Variants in TCERG1L observed in about 807,000 individuals in gnomAD.
TCERG1L encodes the protein transcription elongation regulator 1-like protein.
A neutral mutation model predicts 56.3 loss-of-function variants in TCERG1L; 37 were observed. The ratio of observed to expected loss-of-function variants is 0.66; its 90% confidence interval spans 0.51 to 0.87. TCERG1L has a LOEUF of 0.87. Among genes scored for constraint, TCERG1L ranks in the 40% least tolerant of loss-of-function variants. The pLI is 0.00. For missense variants in TCERG1L, 799 were observed against 774.2 expected (o/e 1.03, Z -0.38); for synonymous variants, 324 against 326.3 (o/e 0.99, Z 0.08).
intron 4 of TCERG1L, among the ~76,000 whole-genome samples, chr10:131,210,908 C>G (rs926400861): frequency 3.3e-5 from 5 of 152,228 alleles, no homozygotes; most frequent in African/African-American, 1.2e-4. Context: ...CAAGTCATTA[C>G]TTCATGTCAT....
At chr10:131,268,622 T>A (rs943455283) in intron 3 of TCERG1L, among the ~76,000 whole-genome samples, 3 of 152,202 alleles carry the variant, frequency 2.0e-5, no homozygotes, top group South Asian at 2.1e-4. Flanking sequence ...TTCTGTAGTG[T>A]AGCCACCTTC....
intron 4 of TCERG1L, among the ~76,000 whole-genome samples, chr10:131,231,354 G>A (rs893512): frequency 0.029 from 4,456 of 152,300 alleles, 83 homozygotes; most frequent in East Asian, 0.078. Flanking sequence ...AGAGCCTACC[G>A]TGTGCTTCCT....
At position 131,260,719 on chromosome 10, in the gene TCERG1L, A is replaced by G. The variant is rs1846229652; in HGVS notation, c.671-275T>C. Among the ~76,000 whole-genome samples, 2 of 152,182 alleles carry G rather than the reference A, an allele frequency of 1.3e-5. No individual in the cohort carries two copies. Among genetic ancestry groups the G allele is most frequent in the Non-Finnish European group, 2.9e-5 (2 of 68,032 alleles). ...GCTTACAGTCACCAGGGGACGAGCC[A>G]GGACCCGGGTGCCTTAAAGAGAAAC... On this transcript the variant is annotated intron_variant, in intron 3 of 11. Coordinates refer to ENST00000368642, the MANE Select transcript of TCERG1L (RefSeq NM_174937.4). This position sits in a 1 kb window ranked among gnomAD's most constrained non-coding sequence, Gnocchi z 5.8.
chr10:131,094,285 C>T (rs1324995386), intron 11 of TCERG1L, among the ~76,000 whole-genome samples: 5 of 152,232 alleles, frequency 3.3e-5, no homozygotes, highest in Non-Finnish European at 5.9e-5. Flanking sequence ...CTGGCCTGGG[C>T]AGTGTGCTCT....
chr10:131,234,198 C>T (rs1037264176), intron 4 of TCERG1L, among the ~76,000 whole-genome samples: 2 of 152,210 alleles, frequency 1.3e-5, no homozygotes, highest in African/African-American at 4.8e-5. Flanking sequence ...GGAAGAAGAT[C>T]ATCAGGTATT....
intron 4 of TCERG1L, among the ~76,000 whole-genome samples, chr10:131,169,250 C>T (rs1846064154): frequency 6.6e-6 from 1 of 151,972 alleles, no homozygotes; most frequent in South Asian, 2.1e-4. Flanking sequence ...TACCTCTATG[C>T]CACAGAAAGG....
At chr10:131,159,225 T>C (rs1026655665) in intron 6 of TCERG1L, among the ~76,000 whole-genome samples, 1 of 152,178 alleles carries the variant, frequency 6.6e-6, no homozygotes, top group African/African-American at 2.4e-5. Flanking sequence ...CTGACAGCCA[T>C]GTGCCAGGGA....
chr10:131,118,825 GCACCATGTTCTC>G lies in TCERG1L; in HGVS notation c.1260-1903_1260-1892del, dbSNP rs556529521. Among the ~76,000 whole-genome samples, 1 of 152,268 alleles carries G rather than the reference GCACCATGTTCTC, an allele frequency of 6.6e-6. No individual in the cohort carries two copies. Among genetic ancestry groups the G allele is most frequent in the African/African-American group, 2.4e-5 (1 of 41,550 alleles). ...CTGTCCAGTTCTGGTTTTGACGATA[GCACCATGTTCTC>G]CACTGGGGATGATTTTGCCCCAGGG... On this transcript the variant is annotated intron_variant, in intron 8 of 11. Coordinates refer to ENST00000368642, the MANE Select transcript of TCERG1L (RefSeq NM_174937.4). The surrounding 1 kb of genome is among the most constrained non-coding windows in gnomAD (Gnocchi z 4.2).
At position 131,163,170 on chromosome 10, in the gene TCERG1L, G is replaced by C; in HGVS notation, c.986C>G (p.Ala329Gly). The part of the protein sequence containing the change: ...PMLGGGEDST[A>G]RGNRPVASTP... ...GGAGGCCACTGGCCTGTTGCCTCTG[G>C]CTGTGCTGTCCTCTCCTCCCCCCAG... is the stretch of plus-strand genomic sequence containing the variant. Residue 329 changes from alanine (A) to glycine (G), a missense_variant, in exon 6 of 12, where the codon GCC (alanine) becomes GGC (glycine). Ala to Gly is a moderately conservative substitution (Grantham distance 60). Transcript: ENST00000368642. 6.4e-7 allele frequency: 1 copy of C among 1,574,390 alleles called. No individual in the cohort carries two copies. The highest frequency in any genetic ancestry group is 8.6e-7 in the Non-Finnish European group (1 of 1,158,720).
chr10:131,279,609 C>T (rs994529716), intron 3 of TCERG1L, among the ~76,000 whole-genome samples: 6 of 152,178 alleles, frequency 3.9e-5, no homozygotes, highest in Non-Finnish European at 8.8e-5. Context: ...AGACCATGGG[C>T]CATGCTGGCC....
intron 4 of TCERG1L, among the ~76,000 whole-genome samples, chr10:131,217,707 CCTTTTTTT>C: frequency 4.4e-5 from 6 of 135,068 alleles, no homozygotes; most frequent in East Asian, 2.3e-4. Context: ...CAGTAGCTGC[CCTTTTTTT>C]TTTTTTTTTT....
chr10:131,285,520 GAAA>G (rs1846524522), intron 3 of TCERG1L, among the ~76,000 whole-genome samples: 4 of 9,408 alleles, frequency 4.3e-4, no homozygotes, highest in African/African-American at 9.2e-4. Flanking sequence ...AAGAAAGAAA[GAAA>G]GAGAGAAAGA....
intron 4 of TCERG1L, among the ~76,000 whole-genome samples, chr10:131,202,115 T>C (rs1845444106): frequency 1.3e-5 from 2 of 152,194 alleles, no homozygotes; most frequent in South Asian, 2.1e-4. Flanking sequence ...AGAAGCGTTG[T>C]ACCAAACTGC....
chr10:131,209,514 G>A (rs891600682), intron 4 of TCERG1L, among the ~76,000 whole-genome samples: 13 of 152,152 alleles, frequency 8.5e-5, no homozygotes, highest in African/African-American at 2.2e-4. Context: ...TTATATGCAC[G>A]CAGCATGACT....
intron 4 of TCERG1L, among the ~76,000 whole-genome samples, chr10:131,204,234 T>C (rs1418098603): frequency 6.6e-6 from 1 of 152,240 alleles, no homozygotes; most frequent in Non-Finnish European, 1.5e-5. Context: ...GCCTTGGTCC[T>C]GGACTTTCCA....
intron 4 of TCERG1L, among the ~76,000 whole-genome samples, chr10:131,202,681 T>C (rs918253649): frequency 1.3e-5 from 2 of 152,196 alleles, no homozygotes; most frequent in African/African-American, 4.8e-5. Flanking sequence ...GGAATTCAAG[T>C]CAATAACATC....
chr10:131,254,136 G>A (rs771656576), intron 4 of TCERG1L, among the ~76,000 whole-genome samples: 8 of 151,856 alleles, frequency 5.3e-5, no homozygotes, highest in East Asian at 2.0e-4. Context: ...TGAAGGTCCC[G>A]GGGCAGCCCT....
intron 4 of TCERG1L, among the ~76,000 whole-genome samples, chr10:131,256,969 GAAGGAAGGAAGGAAGGAAGGAAGGA>G: frequency 3.4e-5 from 2 of 59,112 alleles, no homozygotes; most frequent in Non-Finnish European, 8.1e-5. Flanking sequence ...AGGAAGGAAG[GAAGGAAGGAAGGAAGGAAGGAAGGA>G]AAGAAAGAAA....
chr10:131,129,318 T>A (rs187576500), intron 8 of TCERG1L, among the ~76,000 whole-genome samples: 1,592 of 152,374 alleles, frequency 0.01, 19 homozygotes, highest in Admixed American at 0.019. Flanking sequence ...CATGCTTATA[T>A]TTTAAAATTC....
Sources: gnomAD v4.1 joint callset for allele counts (sites outside exome capture counted in the v4.1 genomes callset) on GRCh38, gnomAD v4.1.1 for gene constraint, Gnocchi (gnomAD v3.1) non-coding constraint, MANE v1.5 for transcripts, NCBI Gene and HGNC (gene_info 2026-07-23, HGNC 2026-07-21) for gene names.